The following NPEPPS variants were observed in gnomAD, a reference collection of about 807,000 sequenced individuals.
NPEPPS encodes aminopeptidase puromycin sensitive.
In NPEPPS, 14 loss-of-function variants were observed where a neutral mutation model predicts 115.5. That is an observed-to-expected ratio of 0.12 (90% CI 0.08 to 0.19). The LOEUF is 0.19. NPEPPS is among the 10% of genes least tolerant of loss of function. The pLI is 1.00. For missense variants in NPEPPS, 523 were observed against 1,110.8 expected (o/e 0.47, Z 7.52); for synonymous variants, 285 against 390.6 (o/e 0.73, Z 3.19).
chr17:47,617,283 G>A (rs1914266677), intron 19 of NPEPPS, among the ~76,000 whole-genome samples: 1 of 152,118 alleles, frequency 6.6e-6, no homozygotes, highest in African/African-American at 2.4e-5. Context: ...TAAAAAGTGT[G>A]AAGATGCATA....
intron 2 of NPEPPS, among the ~76,000 whole-genome samples, chr17:47,547,818 A>G (rs1477390060): frequency 6.6e-6 from 1 of 152,146 alleles, no homozygotes; most frequent in Non-Finnish European, 1.5e-5. Flanking sequence ...CAAGGTCAGG[A>G]GATCGAGACC....
intron 13 of NPEPPS, 24 bp from the exon 14 acceptor site, chr17:47,599,650 TTA>T: frequency 6.5e-7 from 1 of 1,550,092 alleles, no homozygotes. Flanking sequence ...GTCAGTACTA[TTA>T]TAGCCTTTGT....
chr17:47,577,918 C>G (rs542505842), intron 3 of NPEPPS, among the ~76,000 whole-genome samples: 1 of 152,190 alleles, frequency 6.6e-6, no homozygotes, highest in Non-Finnish European at 1.5e-5. Context: ...AAAAGAATGT[C>G]AGAGGGGCCA....
chr17:47,613,799 T>A, intron 19 of NPEPPS, 74 bp downstream of exon 19: 1 of 1,093,526 alleles, frequency 9.1e-7, no homozygotes, highest in Non-Finnish European at 1.3e-6. Flanking sequence ...TCTAAATGGT[T>A]AAAAAAAAAG....
intron 2 of NPEPPS, 82 bp from the exon 3 acceptor site, chr17:47,569,335 T>C: frequency 1.2e-6 from 1 of 858,052 alleles, no homozygotes; most frequent in Admixed American, 2.6e-5. Context: ...TTGTAGAGAT[T>C]TTGCTCTTGA....
chr17:47,529,735 CATTATATATATATATATATA>C (rs1217950635), upstream of NPEPPS, among the ~76,000 whole-genome samples: 5 of 19,012 alleles, frequency 2.6e-4, no homozygotes, highest in Admixed American at 6.0e-4. Flanking sequence ...ATTTCAGTTA[CATTATATATATATATATATA>C]TATATATATA....
At chr17:47,568,903 C>T (rs1911012259) in intron 2 of NPEPPS, among the ~76,000 whole-genome samples, 1 of 151,270 alleles carries the variant, frequency 6.6e-6, no homozygotes, top group South Asian at 2.1e-4. Flanking sequence ...GACCCGCCTG[C>T]CTCGGCCTCC....
At chr17:47,560,093 C>G (rs1274328833) in intron 2 of NPEPPS, among the ~76,000 whole-genome samples, 1 of 152,108 alleles carries the variant, frequency 6.6e-6, no homozygotes, top group Non-Finnish European at 1.5e-5. Flanking sequence ...TTATCTTGTT[C>G]TATGATTCTT....
rs1202640014 is a variant in NPEPPS at position 47,562,689 on chromosome 17, A to G, written c.341-6728A>G. ...AAAAAGGGAAATGTAATAAGGAAGA[A>G]GAAATGGTGTTCTAAACTTAAAACC... On this transcript the variant is annotated intron_variant, in intron 2 of 22. Transcript: ENST00000322157. 3.3e-5 allele frequency among the ~76,000 whole-genome samples: 5 copies of G among 151,874 alleles called. No individual in the cohort carries two copies. The South Asian group carries it at 1.0e-3, about 32-fold the overall frequency.
chr17:47,576,718 G>A (rs1911544864), intron 3 of NPEPPS, among the ~76,000 whole-genome samples: 1 of 152,034 alleles, frequency 6.6e-6, no homozygotes, highest in South Asian at 2.1e-4. Context: ...TTATAAACGA[G>A]CTTGATATAT....
intron 9 of NPEPPS, among the ~76,000 whole-genome samples, chr17:47,587,727 C>A (rs1912275579): frequency 6.6e-6 from 1 of 152,122 alleles, no homozygotes; most frequent in African/African-American, 2.4e-5. Flanking sequence ...TGAAAAGTAA[C>A]CTGATGAATA....
At chr17:47,606,043 A>T (rs1913496926) in intron 17 of NPEPPS, among the ~76,000 whole-genome samples, 1 of 151,978 alleles carries the variant, frequency 6.6e-6, no homozygotes, top group Non-Finnish European at 1.5e-5. Context: ...ACGCCTGGTT[A>T]CTTTTATATT....
chr17:47,611,872 G>C lies in NPEPPS; in HGVS notation c.2096-588G>C, dbSNP rs151314917. Among the ~76,000 whole-genome samples, 451 of 152,262 alleles carry C rather than the reference G, an allele frequency of 3.0e-3. 4 individuals carry two copies. Among genetic ancestry groups the C allele is most frequent in the African/African-American group, 0.01 (433 of 41,554 alleles). On this transcript the variant is annotated intron_variant, in intron 17 of 22. Transcript: ENST00000322157. ...CAGCAGTGTTTGAGGGTTCCAATTTGTCCACATCCTTGCTAACACTTGCTA... is the reference window on the plus strand; with the variant it reads ...CAGCAGTGTTTGAGGGTTCCAATTTCTCCACATCCTTGCTAACACTTGCTA...
At chr17:47,621,594 T>C (rs1914578354) in intron 22 of NPEPPS, among the ~76,000 whole-genome samples, 174 bp from the exon 23 acceptor site, 1 of 152,190 alleles carries the variant, frequency 6.6e-6, no homozygotes, top group African/African-American at 2.4e-5. Flanking sequence ...AGAATTCCTA[T>C]ATGCAGGTCC....
intron 4 of NPEPPS, chr17:47,582,370 G>A (rs1911938079): frequency 4.8e-6 from 1 of 209,986 alleles, no homozygotes; most frequent in African/African-American, 2.4e-5. Flanking sequence ...AACTTACCAT[G>A]TTTTCCCAAC....
chr17:47,542,359 C>G (rs1042845151), intron 1 of NPEPPS, among the ~76,000 whole-genome samples: 6 of 151,984 alleles, frequency 3.9e-5, no homozygotes, highest in African/African-American at 1.5e-4. Flanking sequence ...CCAGCCTGAC[C>G]AACATGGAGA....
At chr17:47,530,918 C>T (rs1178771129), upstream of NPEPPS, 2 of 151,662 alleles carry the variant, frequency 1.3e-5, no homozygotes, top group Non-Finnish European at 2.9e-5. Flanking sequence ...GGAAGGCCGC[C>T]CCCAGTCCTG....
chr17:47,610,572 TGG>T (rs887508268), intron 17 of NPEPPS, among the ~76,000 whole-genome samples: 12 of 151,920 alleles, frequency 7.9e-5, no homozygotes, highest in Admixed American at 7.2e-4. Context: ...TTAGTAGACA[TGG>T]GGTTTCACCA....
intron 15 of NPEPPS, among the ~76,000 whole-genome samples, chr17:47,603,059 T>C (rs1913316795): frequency 6.6e-6 from 1 of 152,208 alleles, no homozygotes; most frequent in Non-Finnish European, 1.5e-5. Flanking sequence ...TGTTTTACCA[T>C]TTAACTATTT....
Sources: gnomAD v4.1 joint callset for allele counts (sites outside exome capture counted in the v4.1 genomes callset) on GRCh38, gnomAD v4.1.1 for gene constraint, MANE v1.5 for transcripts, NCBI Gene and HGNC (gene_info 2026-07-23, HGNC 2026-07-21) for gene names.